The following NOL4 variants were observed in gnomAD, a reference collection of about 807,000 sequenced individuals.
NOL4 encodes nucleolar protein 4.
In NOL4, 17 loss-of-function variants were observed where a neutral mutation model predicts 75.9. The ratio of observed to expected loss-of-function variants is 0.22; its 90% CI spans 0.15 to 0.34. NOL4 has a LOEUF of 0.34. Ranked by LOEUF, NOL4 falls within the 10% of genes least tolerant of loss-of-function variation. The probability of loss-of-function intolerance (pLI) is 1.00; values close to 1 mark genes in which losing one functional copy is unlikely to be tolerated. For missense variants in NOL4, 614 were observed against 793.5 expected (o/e 0.77, Z 2.72); for synonymous variants, 292 against 289.9 (o/e 1.01, Z -0.07).
Position 34,029,842 on chromosome 18 carries a change from T to C in NOL4, c.773-10241A>G, listed in dbSNP as rs560359608. 1.1e-4 allele frequency among the ~76,000 whole-genome samples: 16 copies of C among 152,296 alleles called. No individual in the cohort carries two copies. The East Asian group carries it at 3.1e-3, about 29-fold the overall frequency. On this transcript the variant is annotated intron_variant, in intron 5 of 10. Transcript: ENST00000261592. ...TGAGATTTTAAAAATTCTATTCAAA[T>C]AATTTTTCTTTAAAGTACTATTTTA...
intron 5 of NOL4, among the ~76,000 whole-genome samples, chr18:34,066,749 C>A (rs1258846188): frequency 6.7e-6 from 1 of 150,044 alleles, no homozygotes; most frequent in Non-Finnish European, 1.5e-5. Context: ...TAACATTTAA[C>A]CTTTGTTCAA....
In NOL4 at chr18:33,936,629, G is replaced by C. The variant is rs2068077181; in HGVS notation, c.1542+6436C>G. Among the ~76,000 whole-genome samples the C allele has an allele frequency of 3.3e-5, 5 of 152,116 alleles. No homozygotes were observed. In the South Asian group the frequency reaches 1.0e-3, roughly 32 times the overall value. On this transcript the variant is annotated intron_variant, in intron 9 of 10. Transcript: ENST00000261592. ...ATCTGTCACCCAGCATTCCCGCTTT[G>C]TCCTTCTAGGGCAGTAACTGCTGGG...
intron 4 of NOL4, among the ~76,000 whole-genome samples, chr18:34,099,601 T>A (rs1041348637): frequency 1.3e-5 from 2 of 152,082 alleles, no homozygotes; most frequent in Non-Finnish European, 1.5e-5. Flanking sequence ...ATTTCCCAGC[T>A]CACTTGCTCT....
intron 1 of NOL4, among the ~76,000 whole-genome samples, chr18:34,209,805 T>A (rs1390960536): frequency 6.6e-6 from 1 of 152,064 alleles, no homozygotes; most frequent in Admixed American, 6.6e-5. Context: ...TTAAAAGGGG[T>A]TAAATATTGA....
chr18:34,042,074 T>C (rs1203101796), intron 5 of NOL4, among the ~76,000 whole-genome samples: 1 of 152,016 alleles, frequency 6.6e-6, no homozygotes, highest in African/African-American at 2.4e-5. Flanking sequence ...CTTTTTTCTA[T>C]AAATACAAAG....
chr18:33,986,218 C>T (rs1460400270), intron 6 of NOL4, among the ~76,000 whole-genome samples: 1 of 151,996 alleles, frequency 6.6e-6, no homozygotes, highest in Non-Finnish European at 1.5e-5. Flanking sequence ...GTAATTGTGG[C>T]TATTCAATAT....
chr18:34,098,332 T>C (rs936919360), intron 4 of NOL4, among the ~76,000 whole-genome samples: 2 of 152,100 alleles, frequency 1.3e-5, no homozygotes, highest in African/African-American at 4.8e-5. Flanking sequence ...TAAGAAGTCT[T>C]ACTACCCTGA....
chr18:34,222,041 C>T (rs1482486852), intron 1 of NOL4: 42 of 1,535,324 alleles, frequency 2.7e-5, no homozygotes, highest in Non-Finnish European at 3.6e-5. Context: ...GCAGAAAGGT[C>T]TCCTGCATCA....
intron 1 of NOL4, among the ~76,000 whole-genome samples, chr18:34,204,440 T>A: frequency 7.6e-6 from 1 of 132,346 alleles, no homozygotes; most frequent in African/African-American, 3.6e-5. Flanking sequence ...TCTCTTATCC[T>A]TTTATAATTT....
At chr18:34,154,992 C>T (rs1167388555) in intron 1 of NOL4, among the ~76,000 whole-genome samples, 1 of 151,854 alleles carries the variant, frequency 6.6e-6, no homozygotes, top group African/African-American at 2.4e-5. Flanking sequence ...ATTGGCTGGT[C>T]TCCCTTTTTC....
chr18:33,901,371 A>C (rs544187348), intron 9 of NOL4, among the ~76,000 whole-genome samples: 1 of 152,288 alleles, frequency 6.6e-6, no homozygotes, highest in African/African-American at 2.4e-5. Context: ...CACAGGCTTT[A>C]AAAATGGTTA....
At chr18:33,974,256 C>CTTTT (rs2071315465) in intron 6 of NOL4, among the ~76,000 whole-genome samples, 1 of 152,148 alleles carries the variant, frequency 6.6e-6, no homozygotes, top group African/African-American at 2.4e-5. Flanking sequence ...AGCTTTCTCA[C>CTTTT]CTCTCCCAGC....
chr18:34,194,695 A>C (rs1001704041), intron 1 of NOL4, among the ~76,000 whole-genome samples: 1 of 152,134 alleles, frequency 6.6e-6, no homozygotes, highest in African/African-American at 2.4e-5. Flanking sequence ...TGGATAATAA[A>C]GTTATAAATA....
At chr18:34,009,492 G>C (rs1418587275) in intron 6 of NOL4, among the ~76,000 whole-genome samples, 1 of 151,916 alleles carries the variant, frequency 6.6e-6, no homozygotes, top group Non-Finnish European at 1.5e-5. Flanking sequence ...AAATTCTGGA[G>C]CCAATAACAA....
intron 2 of NOL4, chr18:34,121,148 G>T (rs1211501160): frequency 6.6e-6 from 1 of 152,118 alleles, no homozygotes; most frequent in African/African-American, 2.4e-5. Flanking sequence ...CCTAAATATT[G>T]CATTAAATAA....
chr18:34,210,947 T>C (rs1012890942), intron 1 of NOL4, among the ~76,000 whole-genome samples: 2 of 152,126 alleles, frequency 1.3e-5, no homozygotes, highest in African/African-American at 4.8e-5. Context: ...TTTTTTCTTG[T>C]AGTAGAAAAG....
At chr18:33,976,950 T>C (rs769917408) in intron 6 of NOL4, among the ~76,000 whole-genome samples, 13 of 152,182 alleles carry the variant, frequency 8.5e-5, no homozygotes, top group Non-Finnish European at 1.2e-4. Flanking sequence ...TTGCCCAGCC[T>C]GGCATCTATT....
chr18:33,997,883 A>T (rs191603140), intron 6 of NOL4, among the ~76,000 whole-genome samples: 1 of 151,838 alleles, frequency 6.6e-6, no homozygotes, highest in African/African-American at 2.4e-5. Flanking sequence ...TGATAAATAG[A>T]TAAGCAAAAT....
intron 10 of NOL4, among the ~76,000 whole-genome samples, chr18:33,857,295 G>A (rs1044312310): frequency 4.6e-5 from 7 of 151,872 alleles, no homozygotes; most frequent in Non-Finnish European, 5.9e-5. Context: ...ATATATCCAC[G>A]CAAATCTGCT....
Sources: gnomAD v4.1 joint callset for allele counts (sites outside exome capture counted in the v4.1 genomes callset) on GRCh38, gnomAD v4.1.1 for gene constraint, MANE v1.5 for transcripts, NCBI Gene and HGNC (gene_info 2026-07-23, HGNC 2026-07-21) for gene names.